Variants in AXIN1 observed in about 807,000 individuals in gnomAD.
AXIN1 encodes the protein axin 1.
In AXIN1, 30 loss-of-function variants were observed where a neutral mutation model predicts 76.4. The ratio of observed to expected loss-of-function variants is 0.39; its 90% CI spans 0.29 to 0.53. AXIN1 has a LOEUF of 0.53. Ranked by LOEUF, AXIN1 falls within the 20% of genes least tolerant of loss-of-function variation. The probability of loss-of-function intolerance (pLI) is 0.66; values close to 1 mark genes in which losing one functional copy is unlikely to be tolerated. For missense variants in AXIN1, 1,140 were observed against 1,198.8 expected, an observed-to-expected ratio of 0.95 and a Z score of 0.72; for synonymous variants, 545 against 501.4, an observed-to-expected ratio of 1.09 and a Z score of -1.16.
chr16:289,381 A>T (rs1340948743), intron 10 of AXIN1, 59 bp downstream of exon 10: 1 of 1,602,418 alleles, frequency 6.2e-7, no homozygotes, highest in African/African-American at 1.3e-5. Context: ...CCTCTTTTTC[A>T]TACCGTTGGG....
chr16:310,142 T>G, intron 3 of AXIN1, 73 bp from the exon 4 acceptor site: 18 of 1,414,620 alleles, frequency 1.3e-5, no homozygotes, highest in Non-Finnish European at 1.7e-5. Flanking sequence ...ATAGAGCTCC[T>G]GGCCCCGACC....
At position 331,591 on chromosome 16, in the gene AXIN1, A is replaced by AG. The variant is rs1281342909; in HGVS notation, c.878+14556_878+14557insC. On this transcript the variant is annotated intron_variant, in intron 2 of 10. Coordinates refer to ENST00000262320, the MANE Select transcript of AXIN1 (RefSeq NM_003502.4). ...CGCAACCAACTCATGAGAATCTATC[A>AG]AACACTCCTATCAGCGTATAGAATG... Among the ~76,000 whole-genome samples the AG allele has an allele frequency of 4.4e-3, 669 of 152,338 alleles. 8 individuals are homozygous for AG. The highest frequency in any genetic ancestry group is 0.015 in the African/African-American group (636 of 41,576).
At chr16:319,876 C>G (rs2053400548) in intron 2 of AXIN1, among the ~76,000 whole-genome samples, 1 of 152,204 alleles carries the variant, frequency 6.6e-6, no homozygotes, top group Admixed American at 6.5e-5. Flanking sequence ...GTGGAGGGAG[C>G]TGGGCCACCG....
intron 1 of AXIN1, among the ~76,000 whole-genome samples, chr16:349,636 C>T (rs1302418538): frequency 2.0e-5 from 3 of 152,168 alleles, no homozygotes; most frequent in Non-Finnish European, 4.4e-5. Flanking sequence ...CCACAGCACC[C>T]AGCACAAGGT....
Position 289,507 on chromosome 16 carries a change from G to A in AXIN1, c.2395C>T (p.Leu799=), listed in dbSNP as rs150183959. The stretch of plus-strand genomic sequence containing the variant: ...AGGGTGACAGCGCGGCCCCTCACCA[G>A]GGTGCGGTAGGGGATGGGTTCCCCG... ...FCGEPIPYRT[L]VRGRAVTLGQ... The change falls in exon 10 of 11, where the codon CTG becomes TTG. Residue 799 remains leucine, a synonymous_variant. Coordinates refer to ENST00000262320, the MANE Select transcript of AXIN1 (RefSeq NM_003502.4). The A allele has an allele frequency of 6.2e-7, 1 of 1,613,000 alleles. No homozygotes were observed. The highest frequency in any genetic ancestry group is 2.2e-5 in the East Asian group (1 of 44,886).
At chr16:290,457 G>A (rs912329507) in intron 9 of AXIN1, 1 of 156,434 alleles carries the variant, frequency 6.4e-6, no homozygotes, top group Non-Finnish European at 1.4e-5. Context: ...CATCAGAGAA[G>A]AGCCAACACG....
chr16:323,063 G>C (rs1463036094), intron 2 of AXIN1, among the ~76,000 whole-genome samples: 2 of 152,134 alleles, frequency 1.3e-5, no homozygotes, highest in Non-Finnish European at 2.9e-5. Flanking sequence ...TGAGGTAGGA[G>C]AGCTGCTTAA....
chr16:311,961 T>C (rs907599360), intron 3 of AXIN1, among the ~76,000 whole-genome samples: 1 of 152,030 alleles, frequency 6.6e-6, no homozygotes, highest in Non-Finnish European at 1.5e-5. Context: ...CACCACTGAG[T>C]GTTGTGGGCA....
In AXIN1 at chr16:346,381, C is replaced by A. The variant is rs750806931; in HGVS notation, c.645G>T (p.Ser215=). 2 of 1,614,206 alleles carry A rather than the reference C, an allele frequency of 1.2e-6. No homozygotes were observed. The highest frequency in any genetic ancestry group is 1.7e-6 in the Non-Finnish European group (2 of 1,180,038). Reference sequence around the variant, plus strand: ...GGTCACTACAGACTTTGGGGCTCTCCGAGCCTGTCCTCGTATATTCCAAAT... The same window carrying A: ...GGTCACTACAGACTTTGGGGCTCTCAGAGCCTGTCCTCGTATATTCCAAAT... The part of the protein sequence containing the change: ...DIYLEYTRTG[S]ESPKVCSDQS... The change falls in exon 2 of 11, where the codon TCG becomes TCT. Residue 215 remains serine, a synonymous_variant. Transcript: ENST00000262320.
intron 7 of AXIN1, among the ~76,000 whole-genome samples, chr16:296,276 C>T (rs1389786498): frequency 6.6e-6 from 1 of 152,280 alleles, no homozygotes; most frequent in Non-Finnish European, 1.5e-5. Context: ...CACAAGTTCT[C>T]ATCAAGTAAT....
chr16:344,408 C>T (rs1369554428), intron 2 of AXIN1, among the ~76,000 whole-genome samples: 4 of 135,054 alleles, frequency 3.0e-5, no homozygotes, highest in East Asian at 2.1e-4. Flanking sequence ...CCAGCCTGGG[C>T]GATAGAGCAA....
At chr16:341,687 G>C (rs1232350405) in intron 2 of AXIN1, among the ~76,000 whole-genome samples, 2 of 152,150 alleles carry the variant, frequency 1.3e-5, no homozygotes, top group African/African-American at 2.4e-5. Context: ...GGATCCACTG[G>C]GTGAAGCCAG....
At chr16:341,125 C>T (rs1395890859) in intron 2 of AXIN1, among the ~76,000 whole-genome samples, 3 of 152,276 alleles carry the variant, frequency 2.0e-5, no homozygotes, top group Admixed American at 6.5e-5. Context: ...AGCCCTCGCT[C>T]GCTCTCAGCG....
intron 2 of AXIN1, among the ~76,000 whole-genome samples, chr16:329,610 T>C (rs1211646711): frequency 4.6e-5 from 7 of 151,124 alleles, no homozygotes; most frequent in Non-Finnish European, 8.9e-5. Flanking sequence ...CATGCCCGGC[T>C]AATTTTTGTT....
intron 5 of AXIN1, among the ~76,000 whole-genome samples, chr16:303,218 C>T (rs1413948381): frequency 6.6e-6 from 1 of 152,100 alleles, no homozygotes; most frequent in Non-Finnish European, 1.5e-5. Flanking sequence ...CAGAGAAACT[C>T]CAGCCGGCCT....
At chr16:341,388 T>C (rs1315079952) in intron 2 of AXIN1, among the ~76,000 whole-genome samples, 2 of 152,188 alleles carry the variant, frequency 1.3e-5, no homozygotes, top group African/African-American at 4.8e-5. Context: ...CCGCGGGCAA[T>C]GAGGGGCTTA....
rs185296806 is a variant in AXIN1, at chr16:300,860, G to A, written c.1255-2609C>T. On this transcript the variant is annotated intron_variant, in intron 5 of 10. Coordinates refer to ENST00000262320, the MANE Select transcript of AXIN1 (RefSeq NM_003502.4). ...TGATGCCGTTCACTGCCTTGGCCGA[G>A]CTCCACATCGGCAGGAATTCTATCA... 5.8e-3 allele frequency among the ~76,000 whole-genome samples: 879 copies of A among 152,274 alleles called. 5 individuals carry two copies. The highest frequency in any genetic ancestry group is 0.014 in the Middle Eastern group (4 of 294).
chr16:340,133 T>C (rs1191757016), intron 2 of AXIN1, among the ~76,000 whole-genome samples: 4 of 151,942 alleles, frequency 2.6e-5, no homozygotes, highest in Admixed American at 2.0e-4. Flanking sequence ...GGTCCGACGG[T>C]TCCTCACGCA....
At chr16:306,888 T>C (rs1427185257) in intron 4 of AXIN1, among the ~76,000 whole-genome samples, 1 of 152,094 alleles carries the variant, frequency 6.6e-6, no homozygotes, top group Non-Finnish European at 1.5e-5. Flanking sequence ...CCAGCAGGGA[T>C]GTGGGCCGGT....
Sources: gnomAD v4.1 joint callset for allele counts (sites outside exome capture counted in the v4.1 genomes callset) on GRCh38, gnomAD v4.1.1 for gene constraint, MANE v1.5 for transcripts, NCBI Gene and HGNC (gene_info 2026-07-23, HGNC 2026-07-21) for gene names.